The following TENM3 variants were observed in gnomAD, a reference collection of about 807,000 sequenced individuals.
TENM3 encodes teneurin-3.
A neutral mutation model predicts 255.1 loss-of-function variants in TENM3; 63 were observed. That is an observed-to-expected ratio of 0.25 (90% CI 0.20 to 0.30). TENM3 has a LOEUF of 0.30. Ranked by LOEUF, TENM3 falls within the 10% of genes least tolerant of loss-of-function variation. The pLI, the probability that TENM3 is intolerant of heterozygous loss-of-function variation, is 1.00. For missense variants in TENM3, 2,929 were observed against 3,461.1 expected (o/e 0.85, Z 3.86); for synonymous variants, 1,306 against 1,322.3 (o/e 0.99, Z 0.27).
At chr4:182,411,069 TG>T (rs1276190998) in intron 3 of TENM3, among the ~76,000 whole-genome samples, 1 of 152,144 alleles carries the variant, frequency 6.6e-6, no homozygotes, top group Non-Finnish European at 1.5e-5. Flanking sequence ...TCACCTGCTG[TG>T]AGTCCCTATC....
chr4:181,784,934 A>G, the TENM3 span, among the ~76,000 whole-genome samples: 1 of 152,172 alleles, frequency 6.6e-6, no homozygotes, highest in Non-Finnish European at 1.5e-5. Context: ...TTAGAAACGT[A>G]AAATGTGGCT....
At chr4:182,545,074 G>A (rs1036179480) in intron 3 of TENM3, among the ~76,000 whole-genome samples, 1 of 152,128 alleles carries the variant, frequency 6.6e-6, no homozygotes, top group Admixed American at 6.5e-5. Flanking sequence ...AAAAGTAAAG[G>A]AAAATTGCTT....
At chr4:182,143,925 G>A (rs373319348), upstream of TENM3, 6 of 152,832 alleles carry the variant, frequency 3.9e-5, no homozygotes, top group Admixed American at 2.0e-4. This position sits in a 1 kb window ranked among gnomAD's most constrained non-coding sequence, Gnocchi z 4.3. Context: ...CGACGCGGCC[G>A]GGAGGAGGGA....
intron 1 of TENM3, among the ~76,000 whole-genome samples, chr4:182,202,596 C>T (rs898702854): frequency 1.8e-4 from 27 of 152,008 alleles, no homozygotes; most frequent in Middle Eastern, 3.2e-3. Context: ...TGAGCCACCA[C>T]GCCTGGCCTG....
chr4:182,649,536 A>C (rs2080653153), intron 5 of TENM3, among the ~76,000 whole-genome samples: 1 of 150,502 alleles, frequency 6.6e-6, no homozygotes, highest in South Asian at 2.2e-4. Flanking sequence ...TTCATGATTA[A>C]ATCTACATGA....
chr4:182,137,341 C>CA, the TENM3 span, among the ~76,000 whole-genome samples: 1 of 150,732 alleles, frequency 6.6e-6, no homozygotes, highest in African/African-American at 2.4e-5. Context: ...CCTCCCCCCC[C>CA]CCAAAAAGGA....
the TENM3 span, among the ~76,000 whole-genome samples, chr4:181,895,888 C>T: frequency 6.6e-6 from 1 of 152,026 alleles, no homozygotes; most frequent in African/African-American, 2.4e-5. Flanking sequence ...ACCATGCCCG[C>T]CTCAAAGTTT....
the TENM3 span, among the ~76,000 whole-genome samples, chr4:181,760,506 G>A: frequency 2.6e-5 from 4 of 152,078 alleles, no homozygotes; most frequent in African/African-American, 9.7e-5. Context: ...ACCTTTGTAA[G>A]TATATATTAT....
the TENM3 span, among the ~76,000 whole-genome samples, chr4:181,470,127 A>AAAAAAAAAAAG: frequency 7.2e-6 from 1 of 138,950 alleles, no homozygotes; most frequent in African/African-American, 2.7e-5. Flanking sequence ...AAAAAAAAAC[A>AAAAAAAAAAAG]TTATTCAAAA....
chr4:182,691,930 A>G (rs983632785), intron 12 of TENM3, among the ~76,000 whole-genome samples: 5 of 152,220 alleles, frequency 3.3e-5, no homozygotes, highest in Non-Finnish European at 5.9e-5. Context: ...ACTCTCTTTT[A>G]TATGTGACCA....
intron 3 of TENM3, among the ~76,000 whole-genome samples, chr4:182,593,660 A>C (rs1287798641): frequency 6.6e-6 from 1 of 152,178 alleles, no homozygotes; most frequent in African/African-American, 2.4e-5. Context: ...GAGTCGCTGC[A>C]GTGACACCTT....
the TENM3 span, among the ~76,000 whole-genome samples, chr4:181,474,556 A>G: frequency 6.6e-6 from 1 of 151,946 alleles, no homozygotes; most frequent in Non-Finnish European, 1.5e-5. Flanking sequence ...CAACATAGTG[A>G]AACGCCATCT....
the TENM3 span, among the ~76,000 whole-genome samples, chr4:181,701,499 G>A: frequency 6.6e-6 from 1 of 152,324 alleles, no homozygotes; most frequent in East Asian, 1.9e-4. Context: ...CCAAGGGCAA[G>A]CACTTTTACC....
the TENM3 span, among the ~76,000 whole-genome samples, chr4:182,017,914 A>G: frequency 6.6e-6 from 1 of 152,208 alleles, no homozygotes; most frequent in African/African-American, 2.4e-5. Flanking sequence ...GGGACAGAAA[A>G]CAGAACAAAG....
At chr4:182,004,754 A>G in the TENM3 span, among the ~76,000 whole-genome samples, 1 of 152,136 alleles carries the variant, frequency 6.6e-6, no homozygotes, top group Admixed American at 6.5e-5. Context: ...CTGACTTTTT[A>G]ATAATCACCA....
the TENM3 span, among the ~76,000 whole-genome samples, chr4:181,512,549 A>G: frequency 1.3e-5 from 2 of 152,180 alleles, no homozygotes; most frequent in Admixed American, 6.5e-5. Flanking sequence ...CATTTTTAAT[A>G]CAAAAGTTCA....
chr4:182,432,849 G>GGTGTGTGTGTGTGTGTGTGTGT (rs70956512), intron 3 of TENM3, among the ~76,000 whole-genome samples: 2,621 of 143,058 alleles, frequency 0.018, 66 homozygotes, highest in East Asian at 0.043. Flanking sequence ...AATGGATTTG[G>GGTGTGTGTGTGTGTGTGTGTGT]GTGTGTGTGT....
intron 3 of TENM3, among the ~76,000 whole-genome samples, chr4:182,507,837 G>A (rs1442639828): frequency 6.6e-6 from 1 of 152,138 alleles, no homozygotes; most frequent in African/African-American, 2.4e-5. Context: ...AGAGACCTTA[G>A]AATATTAATA....
At chr4:181,511,797 C>T in the TENM3 span, among the ~76,000 whole-genome samples, 32 of 152,236 alleles carry the variant, frequency 2.1e-4, no homozygotes, top group East Asian at 2.9e-3. Flanking sequence ...TGTGGACCAC[C>T]AGCGGGTCAA....
Sources: allele counts gnomAD v4.1 joint callset (sites outside exome capture counted in the v4.1 genomes callset), GRCh38; gene constraint gnomAD v4.1.1; non-coding constraint Gnocchi (gnomAD v3.1); transcripts MANE v1.5; gene names NCBI Gene and HGNC (gene_info 2026-07-23, HGNC 2026-07-21).